The following EPHA6 variants were observed in gnomAD, a reference collection of about 807,000 sequenced individuals.
The protein encoded by EPHA6 is EPH receptor A6, also known as ephrin type-A receptor 6.
In EPHA6, 50 loss-of-function variants were observed where a neutral mutation model predicts 112.0. That is an observed-to-expected ratio of 0.45 (90% CI 0.36 to 0.56). The LOEUF (loss-of-function observed/expected upper bound fraction) is 0.56, where lower values mean the gene tolerates loss of function less well. Among genes scored for constraint, EPHA6 ranks in the 20% least tolerant of loss-of-function variants. EPHA6 has a pLI of 0.00. For missense variants in EPHA6, 1,280 were observed against 1,417.4 expected, an observed-to-expected ratio of 0.90 and a Z score of 1.56; for synonymous variants, 529 against 490.7, an observed-to-expected ratio of 1.08 and a Z score of -1.03.
intron 15 of EPHA6, among the ~76,000 whole-genome samples, chr3:97,724,597 CT>C (rs2034675832): frequency 6.6e-6 from 1 of 152,022 alleles, no homozygotes; most frequent in Non-Finnish European, 1.5e-5. Context: ...GAGACCTTGT[CT>C]CTACAAAATA....
At chr3:97,093,440 C>T (rs1320996960) in intron 3 of EPHA6, among the ~76,000 whole-genome samples, 1 of 151,992 alleles carries the variant, frequency 6.6e-6, no homozygotes, top group African/African-American at 2.4e-5. Flanking sequence ...ATCCCAGCTG[C>T]CCAGGAGGCT....
intron 10 of EPHA6, among the ~76,000 whole-genome samples, chr3:97,506,775 C>T (rs994496458): frequency 6.6e-6 from 1 of 152,168 alleles, no homozygotes; most frequent in Non-Finnish European, 1.5e-5. Context: ...TGGCCATTTT[C>T]ACGATATTGA....
At chr3:97,488,332 T>C (rs1023785221) in intron 10 of EPHA6, among the ~76,000 whole-genome samples, 39 of 152,338 alleles carry the variant, frequency 2.6e-4, no homozygotes, top group Admixed American at 1.4e-3. Flanking sequence ...TCAGCAGTTA[T>C]CTGCAGGTAA....
rs1441010388 is a variant in EPHA6, at chr3:97,620,524, A to G, written c.2574+9670A>G. On this transcript the variant is annotated intron_variant, in intron 13 of 17. Transcript: ENST00000389672. ...AACTTCTGCAAACTATGCATCTGAC[A>G]GAGTTCTAATATCCAGCATATATAA... Among the ~76,000 whole-genome samples the G allele has an allele frequency of 4.6e-5, 7 of 152,106 alleles. No homozygotes were observed. The East Asian group carries it at 1.3e-3, about 29-fold the overall frequency.
chr3:97,004,506 A>G (rs1044501714), intron 3 of EPHA6, among the ~76,000 whole-genome samples: 5 of 152,038 alleles, frequency 3.3e-5, no homozygotes, highest in Non-Finnish European at 5.9e-5. Context: ...TTTCTTGTAA[A>G]TATGTTTAAG....
At chr3:97,219,734 C>T (rs2078137770) in intron 3 of EPHA6, among the ~76,000 whole-genome samples, 1 of 152,166 alleles carries the variant, frequency 6.6e-6, no homozygotes, top group Non-Finnish European at 1.5e-5. Context: ...ATTGTCTTGG[C>T]AATTAACATT....
chr3:97,247,479 T>TG (rs1411972409), intron 5 of EPHA6, among the ~76,000 whole-genome samples: 8 of 151,782 alleles, frequency 5.3e-5, no homozygotes, highest in African/African-American at 1.9e-4. Flanking sequence ...GAGGATAAGT[T>TG]GGGGGGCCAT....
chr3:97,423,613 T>G (rs189735556), intron 6 of EPHA6, among the ~76,000 whole-genome samples: 68 of 152,266 alleles, frequency 4.5e-4, no homozygotes, highest in Admixed American at 1.5e-3. Context: ...TTCCTATCAA[T>G]CTACCTATGA....
chr3:96,915,316 A>G (rs2039430688), intron 2 of EPHA6, among the ~76,000 whole-genome samples: 1 of 152,050 alleles, frequency 6.6e-6, no homozygotes, highest in Non-Finnish European at 1.5e-5. Context: ...TCATTTCTGT[A>G]AGTGGTACAT....
At chr3:97,293,912 T>C (rs2080785756) in intron 5 of EPHA6, among the ~76,000 whole-genome samples, 1 of 152,168 alleles carries the variant, frequency 6.6e-6, no homozygotes, top group Non-Finnish European at 1.5e-5. Context: ...GTTCATCAGT[T>C]CCCAAAGTAT....
intron 3 of EPHA6, among the ~76,000 whole-genome samples, chr3:97,092,684 C>T (rs913270042): frequency 1.3e-5 from 2 of 151,904 alleles, no homozygotes; most frequent in African/African-American, 4.8e-5. Context: ...AAGTGTGACT[C>T]CTTGATGGAA....
At chr3:96,817,715 A>G (rs910899197) in intron 1 of EPHA6, among the ~76,000 whole-genome samples, 2 of 151,986 alleles carry the variant, frequency 1.3e-5, no homozygotes, top group Non-Finnish European at 2.9e-5. Flanking sequence ...ATTATATGAC[A>G]TCCTTCATGG....
chr3:97,161,502 G>T (rs1422295669), intron 3 of EPHA6, among the ~76,000 whole-genome samples: 4 of 152,110 alleles, frequency 2.6e-5, no homozygotes, highest in Admixed American at 6.6e-5. Context: ...CTTATTCTTG[G>T]CTCCACTCAA....
chr3:97,524,244 T>C (rs1338599833), intron 10 of EPHA6, among the ~76,000 whole-genome samples: 1 of 152,030 alleles, frequency 6.6e-6, no homozygotes, highest in Admixed American at 6.6e-5. Flanking sequence ...TCATATTTTG[T>C]ATATCTGCCA....
chr3:97,188,395 T>C (rs1227500198), intron 3 of EPHA6, among the ~76,000 whole-genome samples: 1 of 151,990 alleles, frequency 6.6e-6, no homozygotes, highest in African/African-American at 2.4e-5. Flanking sequence ...AAGCATACTA[T>C]ATATTATTTA....
intron 2 of EPHA6, among the ~76,000 whole-genome samples, chr3:96,933,132 T>C (rs542692356): frequency 6.6e-6 from 1 of 152,198 alleles, no homozygotes; most frequent in East Asian, 1.9e-4. Flanking sequence ...GATTCCTCAA[T>C]CAGGGCTCCA....
intron 3 of EPHA6, among the ~76,000 whole-genome samples, chr3:97,018,810 A>C (rs2107971465): frequency 6.6e-6 from 1 of 152,222 alleles, no homozygotes; most frequent in East Asian, 1.9e-4. Flanking sequence ...TCCCCTGGGG[A>C]AAGGGAGACT....
intron 5 of EPHA6, among the ~76,000 whole-genome samples, chr3:97,372,685 GACATAATAT>G (rs1337382972): frequency 3.9e-5 from 6 of 152,008 alleles, no homozygotes; most frequent in African/African-American, 7.2e-5. Flanking sequence ...TTGAAGTAAA[GACATAATAT>G]ACATAATATA....
chr3:97,345,846 T>C (rs1034149610), intron 5 of EPHA6, among the ~76,000 whole-genome samples: 2 of 152,086 alleles, frequency 1.3e-5, no homozygotes, highest in East Asian at 3.9e-4. Flanking sequence ...AAATCTTGAG[T>C]AACTGCAAGA....
Sources: gnomAD v4.1 joint callset for allele counts (sites outside exome capture counted in the v4.1 genomes callset) on GRCh38, gnomAD v4.1.1 for gene constraint, MANE v1.5 for transcripts, NCBI Gene and HGNC (gene_info 2026-07-23, HGNC 2026-07-21) for gene names.